Variants in EIF4B observed in about 807,000 individuals in gnomAD.
EIF4B encodes the protein eukaryotic translation initiation factor 4B.
EIF4B carries 8 observed loss-of-function variants against 79.3 expected under a neutral mutation model. The observed-to-expected ratio is 0.10, with a 90% CI of 0.06 to 0.18. The LOEUF (loss-of-function observed/expected upper bound fraction) is 0.18. Ranked by LOEUF, EIF4B falls within the 10% of genes least tolerant of loss-of-function variation. The pLI, the probability that EIF4B is intolerant of heterozygous loss-of-function variation, is 1.00. For synonymous variants in EIF4B, 238 were observed against 274.7 expected, an observed-to-expected ratio of 0.87 and a Z score of 1.32; for missense variants, 515 against 792.4, an observed-to-expected ratio of 0.65 and a Z score of 4.20.
chr12:53,031,600 A>T (rs1294686605), intron 8 of EIF4B, among the ~76,000 whole-genome samples: 1 of 152,200 alleles, frequency 6.6e-6, no homozygotes, highest in Non-Finnish European at 1.5e-5. Flanking sequence ...AATATCTTAA[A>T]TGAGCTACTT....
intron 11 of EIF4B, 72 bp downstream of exon 11, chr12:53,037,694 T>C (rs1257711175): frequency 6.6e-7 from 1 of 1,526,204 alleles, no homozygotes; most frequent in Non-Finnish European, 9.0e-7. Flanking sequence ...ATGGAAGATC[T>C]CCTACGGGAT....
intron 14 of EIF4B, 129 bp from the exon 15 acceptor site, chr12:53,040,014 C>T: frequency 9.5e-7 from 1 of 1,048,690 alleles, no homozygotes; most frequent in Non-Finnish European, 1.4e-6. Context: ...ATGGACAATG[C>T]TGATGAGCAA....
intron 1 of EIF4B, among the ~76,000 whole-genome samples, chr12:53,010,614 T>G (rs1432772701): frequency 6.6e-6 from 1 of 152,156 alleles, no homozygotes; most frequent in Non-Finnish European, 1.5e-5. Flanking sequence ...GGGAAACATT[T>G]GTTATTCATT....
In EIF4B at chr12:53,027,830, A is replaced by T. The variant is rs771418381; in HGVS notation, c.716A>T (p.Asp239Val). 1 of 1,612,372 alleles carries T rather than the reference A, an allele frequency of 6.2e-7. No individual in the cohort carries two copies. The highest frequency in any genetic ancestry group is 1.1e-5 in the South Asian group (1 of 91,076). ...DSDRYRDGYRDGYRDGPRRDM... is the reference protein window; with the variant it reads ...DSDRYRDGYRVGYRDGPRRDM... ...GACCGGTATCGGGATGGGTATCGGG[A>T]TGGGTATCGGGATGGCCCACGCCGG... The change falls in exon 7 of 15, where the codon GAT becomes GTT. Residue 239 changes from aspartate to valine, a missense_variant. Asp to Val is a radical substitution (Grantham distance 152). Around this residue, in one of 6 missense-constraint regions of EIF4B, gnomAD observed 187 missense variants for 256.5 expected, o/e 0.73. Transcript: ENST00000262056.
rs1275969723 is a variant in EIF4B, at chr12:53,040,198, A to G, written c.1811A>G (p.Asn604Ser). The G allele has an allele frequency of 2.5e-6, 4 of 1,614,026 alleles. No homozygotes were observed. The South Asian group carries it at 3.3e-5, about 13-fold the overall frequency. ...AALSVDGEDE[N>S]EGEDYAE Reference sequence around the variant, plus strand: ...CTCTCTGTTGATGGTGAAGATGAAAATGAGGGAGAAGATTATGCCGAATAG... The same window carrying G: ...CTCTCTGTTGATGGTGAAGATGAAAGTGAGGGAGAAGATTATGCCGAATAG... The change falls in exon 15 of 15, where the codon AAT becomes AGT. Residue 604 changes from asparagine to serine, a missense_variant. Around this residue, in one of 6 missense-constraint regions of EIF4B, gnomAD observed 60 missense variants for 56.7 expected, o/e 1.06. Transcript: ENST00000262056.
chr12:53,014,343 G>A (rs1378095671), intron 1 of EIF4B, among the ~76,000 whole-genome samples: 1 of 151,738 alleles, frequency 6.6e-6, no homozygotes, highest in African/African-American at 2.4e-5. Flanking sequence ...AACCTGGGAG[G>A]CGGAGGTTGC....
chr12:53,028,603 C>G (rs1475215035), intron 8 of EIF4B, among the ~76,000 whole-genome samples: 1 of 150,464 alleles, frequency 6.6e-6, no homozygotes, highest in Non-Finnish European at 1.5e-5. Flanking sequence ...AGTGGAAACA[C>G]AGCAGTCGAA....
intron 6 of EIF4B, among the ~76,000 whole-genome samples, chr12:53,026,875 T>C (rs1943342957): frequency 6.6e-6 from 1 of 152,162 alleles, no homozygotes. Flanking sequence ...AGTGTATTTG[T>C]ACCATTTAAA....
intron 12 of EIF4B, 31 bp from the exon 13 acceptor site, chr12:53,039,207 C>G: frequency 6.7e-7 from 1 of 1,490,040 alleles, no homozygotes; most frequent in African/African-American, 1.4e-5. Flanking sequence ...TTTTACTTGC[C>G]TTTAATTTGT....
chr12:53,009,687 G>T (rs1188670493), intron 1 of EIF4B, among the ~76,000 whole-genome samples: 1 of 152,094 alleles, frequency 6.6e-6, no homozygotes, highest in Non-Finnish European at 1.5e-5. Context: ...TGGTTTTAAG[G>T]GGTGCCATTA....
intron 1 of EIF4B, among the ~76,000 whole-genome samples, chr12:53,009,020 G>A (rs1943017510): frequency 1.3e-5 from 2 of 152,080 alleles, no homozygotes; most frequent in African/African-American, 2.4e-5. Flanking sequence ...GGGCAAAAGA[G>A]CAAGACTCCA....
At chr12:53,038,289 G>T (rs1943571394) in intron 11 of EIF4B, 67 bp from the exon 12 acceptor site, 5 of 1,435,802 alleles carry the variant, frequency 3.5e-6, no homozygotes, top group Non-Finnish European at 4.7e-6. Context: ...TTTGGAGGAT[G>T]ATTATGTTTC....
rs1014216513 is a variant in EIF4B at position 53,027,717 on chromosome 12, C to T, written c.668-65C>T. 5 of 1,557,048 alleles carry T rather than the reference C, an allele frequency of 3.2e-6. No homozygotes were observed. The African/African-American group carries it at 6.8e-5, about 21-fold the overall frequency. On this transcript the variant is annotated intron_variant, in intron 6 of 14. Coordinates refer to ENST00000262056, the MANE Select transcript of EIF4B (RefSeq NM_001417.7). ...AGATTCTTCCAAATTGGACTGATAGCTTACCGTGTTTCTATTAATGGTGTC... is the reference window on the plus strand; with the variant it reads ...AGATTCTTCCAAATTGGACTGATAGTTTACCGTGTTTCTATTAATGGTGTC...
intron 12 of EIF4B, 21 bp downstream of exon 12, chr12:53,038,432 ATAGGT>A: frequency 6.4e-7 from 1 of 1,567,148 alleles, no homozygotes; most frequent in Non-Finnish European, 8.6e-7. Context: ...AGTATGGGAA[ATAGGT>A]TTTTCACCTA....
Position 53,039,515 on chromosome 12 carries a change from A to C in EIF4B, c.1683-115A>C, listed in dbSNP as rs552317043. ...CTAGAAGTAATACATCATCCAGACA[A>C]CAAGGACTGTTGACTAGAGGTGCCT... On this transcript the variant is annotated intron_variant, in intron 13 of 14. Coordinates refer to ENST00000262056, the MANE Select transcript of EIF4B (RefSeq NM_001417.7). 4.3e-4 allele frequency: 575 copies of C among 1,332,518 alleles called. 3 individuals are homozygous for C. The African/African-American group carries it at 7.7e-3, about 18-fold the overall frequency. 82.5% of individuals were successfully genotyped at this position (1,332,518 alleles called of 1,614,324 possible).
Position 53,018,905 on chromosome 12 carries a change from C to A in EIF4B, c.259C>A (p.Arg87=). 1 of 1,613,928 alleles carries A rather than the reference C, an allele frequency of 6.2e-7. No homozygotes were observed. The highest frequency in any genetic ancestry group is 8.5e-7 in the Non-Finnish European group (1 of 1,179,876). Residue 87 remains arginine (R), a synonymous_variant, in exon 3 of 15, where the codon CGG becomes AGG. Transcript: ENST00000262056. ...GGCTGCTCGGGAACCCAATATCGAC[C>A]GGAGCCGTCTTCCCAAATCGCCACC... ...PRAAREPNID[R]SRLPKSPPYT... is the part of the protein sequence containing the mutation.
rs775352364 is a variant in EIF4B at position 53,006,517 on chromosome 12, G to A, written c.13+21G>A. ...CTCAGGTGAGCGAGCAGCCGAGCGC[G>A]GCCAAGGACTGGGCTCTGAAACCCC... is the stretch of plus-strand genomic sequence containing the variant. On this transcript the variant is annotated intron_variant, in intron 1 of 14. Coordinates refer to ENST00000262056, the MANE Select transcript of EIF4B (RefSeq NM_001417.7). The A allele has an allele frequency of 3.7e-6, 6 of 1,613,438 alleles. No homozygotes were observed. The Admixed American group carries it at 6.7e-5, about 18-fold the overall frequency.
chr12:53,014,988 C>T (rs1943125599), intron 1 of EIF4B: 1 of 152,110 alleles, frequency 6.6e-6, no homozygotes, highest in Admixed American at 6.6e-5. Flanking sequence ...CTAAGTTGAG[C>T]CATTTGGAGA....
Position 53,037,572 on chromosome 12 carries a change from C to T in EIF4B, c.1470C>T (p.Asn490=), listed in dbSNP as rs768590668. The T allele has an allele frequency of 2.5e-6, 4 of 1,613,888 alleles. No homozygotes were observed. The African/African-American group carries it at 4.0e-5, about 16-fold the overall frequency. Reference sequence around the variant, plus strand: ...ATGCTTGGGTGAAGCGAAGTTCTAACCCTCCTGCTCGATCTCAGAGCTCAG... The same window carrying T: ...ATGCTTGGGTGAAGCGAAGTTCTAATCCTCCTGCTCGATCTCAGAGCTCAG... ...KENAWVKRSS[N]PPARSQSSDT... The change falls in exon 11 of 15, where the codon AAC becomes AAT. Residue 490 remains asparagine (N), a synonymous_variant. Coordinates refer to ENST00000262056, the MANE Select transcript of EIF4B (RefSeq NM_001417.7).
Sources: gnomAD v4.1 joint callset for allele counts (sites outside exome capture counted in the v4.1 genomes callset) on GRCh38, gnomAD v4.1.1 for gene constraint, gnomAD v4.1.1 regional missense constraint, MANE v1.5 for transcripts, NCBI Gene and HGNC (gene_info 2026-07-23, HGNC 2026-07-21) for gene names.